Variants in CD96 observed in about 807,000 individuals in gnomAD.
The protein encoded by CD96 is T-cell surface protein tactile.
CD96 carries 70 observed loss-of-function variants against 71.3 expected under a neutral mutation model. The observed-to-expected ratio is 0.98, with a 90% CI of 0.81 to 1.20. CD96 has a LOEUF of 1.20. CD96 is among the 50% of genes most tolerant of loss of function. The pLI is 0.00. For missense variants in CD96, 742 were observed against 677.5 expected (o/e 1.10, Z -1.06); for synonymous variants, 248 against 233.0 (o/e 1.06, Z -0.59).
intron 12 of CD96, among the ~76,000 whole-genome samples, chr3:111,645,071 T>C (rs1391909559): frequency 6.6e-6 from 1 of 152,138 alleles, no homozygotes; most frequent in Non-Finnish European, 1.5e-5. Context: ...TGTATGTTTA[T>C]AGCAGCACAA....
intron 12 of CD96, among the ~76,000 whole-genome samples, chr3:111,647,109 A>C (rs1325363579): frequency 7.1e-6 from 1 of 141,468 alleles, no homozygotes; most frequent in African/African-American, 2.7e-5. Flanking sequence ...AAAAAAAAAA[A>C]CCCTACCTGT....
chr3:111,610,050 T>C (rs1020108598), intron 8 of CD96, among the ~76,000 whole-genome samples: 1 of 152,222 alleles, frequency 6.6e-6, no homozygotes, highest in Admixed American at 6.5e-5. Flanking sequence ...AGAAGACTTG[T>C]TTTAGATCAA....
rs776612838 is a variant in CD96, at chr3:111,545,223, C to T, written c.239C>T (p.Ala80Val). 2 of 1,614,114 alleles carry T rather than the reference C, an allele frequency of 1.2e-6. No homozygotes were observed. Among genetic ancestry groups the T allele is most frequent in the South Asian group, 2.2e-5 (2 of 91,082 alleles). ...CATCCCCAATACGGCTTCTACTGTG[C>T]CTATGGGAGACCCTGTGAGTCACTT... is the stretch of plus-strand genomic sequence containing the variant. ...VYHPQYGFYC[A>V]YGRPCESLVT... Residue 80 changes from alanine to valine, a missense_variant, in exon 2 of 14, where the codon GCC becomes GTC. Ala to Val is a moderately conservative substitution (Grantham distance 64, BLOSUM62 0). Transcript: ENST00000352690.
intron 14 of CD96, among the ~76,000 whole-genome samples, chr3:111,661,677 T>C (rs1043470053): frequency 6.6e-6 from 1 of 152,198 alleles, no homozygotes; most frequent in African/African-American, 2.4e-5. Flanking sequence ...TAATCTCCTT[T>C]ATGTCTCACA....
chr3:111,573,362 T>C (rs1354763591), intron 3 of CD96, among the ~76,000 whole-genome samples: 2 of 152,210 alleles, frequency 1.3e-5, no homozygotes, highest in African/African-American at 4.8e-5. Flanking sequence ...ACATATTTCC[T>C]ACCATGACAT....
intron 3 of CD96, chr3:111,570,898 G>C: frequency 6.3e-7 from 1 of 1,598,472 alleles, no homozygotes; most frequent in Non-Finnish European, 8.6e-7. Context: ...TGGTATCGAG[G>C]CATTTCCTGC....
chr3:111,570,827 C>A, intron 3 of CD96: 6 of 1,613,126 alleles, frequency 3.7e-6, no homozygotes, highest in Non-Finnish European at 5.1e-6. Context: ...GGATGGGGGA[C>A]CCCAGGCTTG....
chr3:111,647,643 A>G lies in CD96; in HGVS notation c.1578A>G (p.Lys526=). The G allele has an allele frequency of 6.2e-7, 1 of 1,610,556 alleles. No homozygotes were observed. Among genetic ancestry groups the G allele is most frequent in the Non-Finnish European group, 8.5e-7 (1 of 1,176,880 alleles). The change falls in exon 13 of 14, where the codon AAA becomes AAG. Residue 526 remains lysine (K), a synonymous_variant. Coordinates refer to ENST00000352690, the MANE Select transcript of CD96 (RefSeq NM_005816.5). ...CMILFGLGVR[K]WCQYQKEIME... Reference sequence around the variant, plus strand: ...TATTGTTTGGTCTTGGAGTGAGAAAATGGTGTCAGTACCAAAAAGAAATGT... The same window carrying G: ...TATTGTTTGGTCTTGGAGTGAGAAAGTGGTGTCAGTACCAAAAAGAAATGT...
rs748164459 is a variant in CD96, at chr3:111,651,582, T to A, written c.*1776T>A. 12 of 152,458 alleles carry A rather than the reference T, an allele frequency of 7.9e-5. No homozygotes were observed. The highest frequency in any genetic ancestry group is 1.3e-4 in the Non-Finnish European group (9 of 68,292). 9.4% of individuals were successfully genotyped at this position (152,458 alleles called of 1,614,324 possible). A position where few individuals can be genotyped will look rare whatever the true frequency, so the allele number is the denominator to read the frequency against. On this transcript the variant is annotated 3_prime_UTR_variant, in exon 14 of 14. Coordinates refer to ENST00000352690, the MANE Select transcript of CD96 (RefSeq NM_005816.5). ...CATGAAGACACCAAGGCAGCCCTAT[T>A]GAGAAATCTACCTGTCGTGGCCGGG...
downstream of CD96, among the ~76,000 whole-genome samples, chr3:111,653,859 A>G (rs765286008): frequency 4.6e-5 from 7 of 152,130 alleles, no homozygotes; most frequent in Non-Finnish European, 8.8e-5. Context: ...ATTGTAACAG[A>G]AAACAATGAA....
Position 111,587,144 on chromosome 3 carries a change from C to G in CD96, c.807+1766C>G, listed in dbSNP as rs1423454748. 1.3e-5 allele frequency among the ~76,000 whole-genome samples: 2 copies of G among 152,176 alleles called. 1 individual carries two copies. The highest frequency in any genetic ancestry group is 2.9e-5 in the Non-Finnish European group (2 of 68,032). On this transcript the variant is annotated intron_variant, in intron 5 of 13. Coordinates refer to ENST00000352690, the MANE Select transcript of CD96 (RefSeq NM_005816.5). ...AGCAGGGCAGTCAAATCTTAAGGCT[C>G]CAAAATGATCTCCTTTGACTCCAAG...
intron 2 of CD96, among the ~76,000 whole-genome samples, chr3:111,567,293 G>C (rs1935762078): frequency 6.6e-6 from 1 of 152,178 alleles, no homozygotes; most frequent in Non-Finnish European, 1.5e-5. Context: ...TTCTGTTGGG[G>C]TCATTTCCTT....
In CD96 at chr3:111,647,757, T is replaced by C. The variant is rs190610484; in HGVS notation, c.1601+91T>C. Reference sequence around the variant, plus strand: ...ATATATTATTACTCTATGAAGTTCCTCCCATATTTTAATGGGGAAATAATG... The same window carrying C: ...ATATATTATTACTCTATGAAGTTCCCCCCATATTTTAATGGGGAAATAATG... On this transcript the variant is annotated intron_variant, in intron 13 of 13. Coordinates refer to ENST00000352690, the MANE Select transcript of CD96 (RefSeq NM_005816.5). 45 of 959,208 alleles carry C rather than the reference T, an allele frequency of 4.7e-5. No individual in the cohort carries two copies. In the Admixed American group the frequency reaches 6.6e-4, roughly 14 times the overall value. The allele number at this position is 959,208 out of a possible 1,614,324, so 59.4% of individuals were successfully genotyped here. A position where few individuals can be genotyped will look rare whatever the true frequency, so the allele number is the denominator to read the frequency against.
rs79724220 is a variant in CD96, at chr3:111,658,864, C to T, written c.*53-6663C>T. Among the ~76,000 whole-genome samples the T allele has an allele frequency of 7.3e-4, 111 of 152,276 alleles. 1 individual carries two copies. The East Asian group carries it at 0.02, about 28-fold the overall frequency. ...CTGAAGTTCTCTTTTTTCATTGTGT[C>T]TCTGCCAGATTTTGGTATCAGTCTG... On this transcript the variant is annotated intron_variant and NMD_transcript_variant, in intron 14 of 14. Coordinates refer to the CD96 transcript ENST00000494798.
intron 2 of CD96, among the ~76,000 whole-genome samples, chr3:111,553,490 G>A (rs979905089): frequency 1.4e-5 from 2 of 147,114 alleles, no homozygotes; most frequent in African/African-American, 5.0e-5. Context: ...TATATGAGAG[G>A]CACATAATTC....
At chr3:111,576,945 G>A (rs549084746) in intron 3 of CD96, among the ~76,000 whole-genome samples, 68 of 152,222 alleles carry the variant, frequency 4.5e-4, no homozygotes, top group Middle Eastern at 6.8e-3. Flanking sequence ...ACTCTAGAAT[G>A]TCTTAGGATC....
intron 8 of CD96, among the ~76,000 whole-genome samples, chr3:111,623,472 G>A (rs1938603106): frequency 6.6e-6 from 1 of 152,150 alleles, no homozygotes; most frequent in Non-Finnish European, 1.5e-5. Context: ...GCAGAATAGA[G>A]TCTGGCATAC....
rs771509782 is a variant in CD96, at chr3:111,542,273, G to A, written c.25G>A (p.Ala9Thr). The change falls in exon 1 of 14, where the codon GCT (alanine) becomes ACT (threonine). Residue 9 changes from alanine (A) to threonine (T), a missense_variant. By Grantham distance (58) the Ala-to-Thr change is moderately conservative. Transcript: ENST00000352690. Reference protein sequence around the residue: MEKKWKYCAVYYIIQIHFV... With the variant: MEKKWKYCTVYYIIQIHFV... ...AATGGAGAAAAAATGGAAATACTGT[G>A]CTGTCTATTACATCATCCAGATACA... The A allele has an allele frequency of 1.2e-6, 2 of 1,613,848 alleles. No homozygotes were observed. Among genetic ancestry groups the A allele is most frequent in the South Asian group, 2.2e-5 (2 of 91,070 alleles).
In CD96 at chr3:111,579,153, G is replaced by A. The variant is rs201505246; in HGVS notation, c.670G>A (p.Asp224Asn). 2.7e-5 allele frequency: 43 copies of A among 1,607,478 alleles called. No homozygotes were observed. The highest frequency in any genetic ancestry group is 3.2e-5 in the Non-Finnish European group (38 of 1,173,992). Residue 224 changes from aspartate to asparagine, a missense_variant, in exon 4 of 14, where the codon GAT becomes AAT. By Grantham distance (23) the Asp-to-Asn change is conservative. Coordinates refer to ENST00000352690, the MANE Select transcript of CD96 (RefSeq NM_005816.5). ...CCACCTCTCTCCAGTCCAAATCTTC[G>A]ATGATGGGCGGAAGTTCTCTTGCCA... ...RLHLSPVQIF[D>N]DGRKFSCHIR...
Sources: gnomAD v4.1 joint callset for allele counts (sites outside exome capture counted in the v4.1 genomes callset) on GRCh38, gnomAD v4.1.1 for gene constraint, MANE v1.5 for transcripts, NCBI Gene and HGNC (gene_info 2026-07-23, HGNC 2026-07-21) for gene names.